The following PAK5 variants were observed in gnomAD, a reference collection of about 807,000 sequenced individuals.
PAK5 encodes the protein p21 (RAC1) activated kinase 5.
A neutral mutation model predicts 65.9 loss-of-function variants in PAK5; 16 were observed. That is an observed-to-expected ratio of 0.24 (90% CI 0.16 to 0.37). The LOEUF (loss-of-function observed/expected upper bound fraction) is 0.37. Among genes scored for constraint, PAK5 ranks in the 10% least tolerant of loss-of-function variants. PAK5 has a pLI of 1.00. For synonymous variants in PAK5, 371 were observed against 354.9 expected, an observed-to-expected ratio of 1.05 and a Z score of -0.51; for missense variants, 785 against 903.9, an observed-to-expected ratio of 0.87 and a Z score of 1.69.
chr20:9,772,291 T>G (rs1251964933), intron 1 of PAK5, among the ~76,000 whole-genome samples: 1 of 152,122 alleles, frequency 6.6e-6, no homozygotes, highest in Non-Finnish European at 1.5e-5. Context: ...GGAGGTATAA[T>G]TGGATGATTA....
chr20:9,636,248 G>A (rs1196872795), intron 3 of PAK5, among the ~76,000 whole-genome samples: 2 of 152,256 alleles, frequency 1.3e-5, no homozygotes, highest in Admixed American at 6.5e-5. Context: ...ATGCAAAATT[G>A]AGCATCACAA....
chr20:9,656,048 AC>A (rs1409845851), intron 2 of PAK5, among the ~76,000 whole-genome samples: 1 of 152,146 alleles, frequency 6.6e-6, no homozygotes, highest in Non-Finnish European at 1.5e-5. Context: ...CAATATATGA[AC>A]TTGGGAGGTG....
At chr20:9,542,531 A>C in intron 9 of PAK5, 55 bp downstream of exon 9, 5 of 1,587,692 alleles carry the variant, frequency 3.1e-6, no homozygotes, top group Non-Finnish European at 4.3e-6. Flanking sequence ...AACCAGAGAG[A>C]TACAGGAAAA....
intron 1 of PAK5, among the ~76,000 whole-genome samples, chr20:9,798,496 TAAG>T (rs1204974438): frequency 5.3e-5 from 8 of 152,132 alleles, no homozygotes; most frequent in Non-Finnish European, 1.0e-4. Context: ...AGATTTGTGA[TAAG>T]AAGATGTCGG....
intron 1 of PAK5, among the ~76,000 whole-genome samples, chr20:9,777,961 G>A (rs544762565): frequency 3.3e-5 from 5 of 152,288 alleles, no homozygotes; most frequent in East Asian, 1.9e-4. Flanking sequence ...GTGGGTTTAC[G>A]TGAAGCTCTA....
intron 1 of PAK5, among the ~76,000 whole-genome samples, chr20:9,821,035 A>G (rs1482960338): frequency 6.6e-6 from 1 of 152,128 alleles, no homozygotes; most frequent in Non-Finnish European, 1.5e-5. Flanking sequence ...TCCAAGTGGG[A>G]AACTCTAGAA....
chr20:9,610,794 G>A (rs780373819), intron 3 of PAK5, among the ~76,000 whole-genome samples: 1 of 152,142 alleles, frequency 6.6e-6, no homozygotes, highest in Non-Finnish European at 1.5e-5. Flanking sequence ...CACAGGTTGG[G>A]AGTGAAATCC....
intron 3 of PAK5, among the ~76,000 whole-genome samples, chr20:9,640,207 T>TC (rs1428378916): frequency 4.9e-5 from 2 of 40,610 alleles, no homozygotes; most frequent in Non-Finnish European, 9.1e-5. Context: ...CCCTCCCCCC[T>TC]CCCCCCACCC....
At chr20:9,604,868 C>A (rs1353718698) in intron 3 of PAK5, among the ~76,000 whole-genome samples, 1 of 152,178 alleles carries the variant, frequency 6.6e-6, no homozygotes, top group Non-Finnish European at 1.5e-5. Flanking sequence ...TACAACTCCT[C>A]ACTGGGGCGT....
At chr20:9,827,514 C>T (rs977226595) in intron 1 of PAK5, among the ~76,000 whole-genome samples, 5 of 151,300 alleles carry the variant, frequency 3.3e-5, no homozygotes, top group African/African-American at 7.3e-5. Context: ...TGCCTGCTTT[C>T]GAAGAGTTCC....
intron 1 of PAK5, among the ~76,000 whole-genome samples, chr20:9,763,806 C>T (rs1569077856): frequency 6.6e-6 from 1 of 152,102 alleles, no homozygotes; most frequent in South Asian, 2.1e-4. Context: ...TAACATTTTG[C>T]CACATTTGCT....
At chr20:9,606,778 GCTGTA>G (rs1474160083) in intron 3 of PAK5, among the ~76,000 whole-genome samples, 1 of 152,062 alleles carries the variant, frequency 6.6e-6, no homozygotes, top group Non-Finnish European at 1.5e-5. Flanking sequence ...AATGTGTTGG[GCTGTA>G]CACTTCATAA....
At chr20:9,811,651 T>C (rs547799430) in intron 1 of PAK5, among the ~76,000 whole-genome samples, 1 of 152,314 alleles carries the variant, frequency 6.6e-6, no homozygotes, top group Non-Finnish European at 1.5e-5. Flanking sequence ...GTCAATCTTG[T>C]ATGTATCTAT....
At chr20:9,689,048 A>G (rs1397586660) in intron 2 of PAK5, among the ~76,000 whole-genome samples, 1 of 152,186 alleles carries the variant, frequency 6.6e-6, no homozygotes, top group African/African-American at 2.4e-5. Context: ...AACTTCGTTT[A>G]TATAAGAGAA....
At chr20:9,564,286 A>G (rs1487441079) in intron 5 of PAK5, among the ~76,000 whole-genome samples, 1 of 152,230 alleles carries the variant, frequency 6.6e-6, no homozygotes, top group East Asian at 1.9e-4. Flanking sequence ...TTAAAAGGTA[A>G]ATGAGAAAGT....
At chr20:9,554,383 T>A (rs909647689) in intron 7 of PAK5, among the ~76,000 whole-genome samples, 3 of 152,312 alleles carry the variant, frequency 2.0e-5, no homozygotes, top group Middle Eastern at 3.4e-3. Flanking sequence ...TCAAGCCACA[T>A]GGGGAGGCCA....
At chr20:9,658,131 A>G (rs2047294155) in intron 2 of PAK5, among the ~76,000 whole-genome samples, 1 of 152,164 alleles carries the variant, frequency 6.6e-6, no homozygotes, top group Non-Finnish European at 1.5e-5. Context: ...TTTGTTTAAA[A>G]CTTACTGGGA....
In PAK5 at chr20:9,565,451, G is replaced by T. The variant is rs570660263; in HGVS notation, c.1482+442C>A. Among the ~76,000 whole-genome samples, 8 of 152,166 alleles carry T rather than the reference G, an allele frequency of 5.3e-5. No individual in the cohort carries two copies. In the South Asian group the frequency reaches 1.7e-3, roughly 32 times the overall value. ...CTGTTTTAAAAATTGTTTATGGAGG[G>T]TATATTATGATATCATAGTAGTGTA... On this transcript the variant is annotated intron_variant, in intron 5 of 9. Coordinates refer to ENST00000353224, the MANE Select transcript of PAK5 (RefSeq NM_177990.4).
At chr20:9,551,146 C>T (rs1170071469) in intron 7 of PAK5, among the ~76,000 whole-genome samples, 2 of 152,096 alleles carry the variant, frequency 1.3e-5, no homozygotes, top group African/African-American at 2.4e-5. Context: ...AACATAATTG[C>T]ACACAACATT....
Sources: gnomAD v4.1 joint callset for allele counts (sites outside exome capture counted in the v4.1 genomes callset) on GRCh38, gnomAD v4.1.1 for gene constraint, MANE v1.5 for transcripts, NCBI Gene and HGNC (gene_info 2026-07-23, HGNC 2026-07-21) for gene names.